Variants in IHO1 observed in about 807,000 individuals in gnomAD.
IHO1 encodes interactor of HORMAD1 protein 1.
A neutral mutation model predicts 31.0 loss-of-function variants in IHO1; 13 were observed. The observed-to-expected ratio is 0.42, with a 90% CI of 0.27 to 0.67. IHO1 has a LOEUF of 0.67. Ranked by LOEUF, IHO1 falls within the 30% of genes least tolerant of loss-of-function variation. IHO1 has a pLI of 0.24. For synonymous variants in IHO1, 221 were observed against 248.4 expected, an observed-to-expected ratio of 0.89 and a Z score of 1.04; for missense variants, 599 against 687.5, an observed-to-expected ratio of 0.87 and a Z score of 1.44.
chr3:49,215,295 AC>A (rs779746192), intron 2 of IHO1, among the ~76,000 whole-genome samples: 10 of 148,790 alleles, frequency 6.7e-5, no homozygotes, highest in Non-Finnish European at 1.3e-4. Context: ...AGGTAATCCA[AC>A]CGCCTCAGCC....
chr3:49,241,697 T>G (rs981825399), intron 4 of IHO1, among the ~76,000 whole-genome samples: 4 of 152,104 alleles, frequency 2.6e-5, no homozygotes, highest in Non-Finnish European at 5.9e-5. Flanking sequence ...CTTGGCTCAC[T>G]GCAACCTCTG....
In IHO1 at chr3:49,201,578, G is replaced by A. The variant is rs545062388; in HGVS notation, c.-16+2005G>A. The stretch of plus-strand genomic sequence containing the variant: ...ATGGAGGTTGCAGTGAGCCAAGATC[G>A]CGCCACTCCACTCCAGGCTGGTCGA... On this transcript the variant is annotated intron_variant, in intron 1 of 7. Transcript: ENST00000452691. Among the ~76,000 whole-genome samples the A allele has an allele frequency of 7.9e-5, 12 of 152,094 alleles. No individual in the cohort carries two copies. In the South Asian group the frequency reaches 1.7e-3, roughly 21 times the overall value.
rs1204944785 is a variant in IHO1, at chr3:49,214,531, G to GT, written c.56+2703dup. On this transcript the variant is annotated intron_variant, in intron 2 of 7. Transcript: ENST00000452691. ...CAATCGATCAGAAACCTAGAGCACT[G>GT]TTTTTTTTAATTTCTCAAAAAAAAA... 2.4e-4 allele frequency among the ~76,000 whole-genome samples: 12 copies of GT among 49,202 alleles called. No individual in the cohort carries two copies. In the Admixed American group the frequency reaches 2.7e-3, roughly 11 times the overall value. 32.3% of individuals were successfully genotyped at this position (49,202 alleles called of 152,430 possible). A position where few individuals can be genotyped will look rare whatever the true frequency, so the allele number is the denominator to read the frequency against.
intron 1 of IHO1, among the ~76,000 whole-genome samples, chr3:49,206,548 C>T (rs1281868734): frequency 1.3e-5 from 2 of 152,164 alleles, no homozygotes; most frequent in Admixed American, 6.6e-5. Context: ...CTTTAATTGC[C>T]ATCTTGGATT....
chr3:49,240,792 G>A (rs1327479845), intron 3 of IHO1, among the ~76,000 whole-genome samples: 1 of 152,152 alleles, frequency 6.6e-6, no homozygotes, highest in Non-Finnish European at 1.5e-5. Flanking sequence ...GCAGAAAGTG[G>A]CTCACCATTT....
rs143599921 is a variant in IHO1, at chr3:49,229,316, A to G, written c.57-7232A>G. Among the ~76,000 whole-genome samples, 898 of 152,316 alleles carry G rather than the reference A, an allele frequency of 5.9e-3. 11 individuals carry two copies. Among genetic ancestry groups the G allele is most frequent in the African/African-American group, 0.021 (853 of 41,562 alleles). On this transcript the variant is annotated intron_variant, in intron 2 of 7. Transcript: ENST00000452691. ...CTGGGGAAACCCCGCAAAAGTTCCAACGGGTCTGTGGACCCTTGCCAGCGG... is the reference window on the plus strand; with the variant it reads ...CTGGGGAAACCCCGCAAAAGTTCCAGCGGGTCTGTGGACCCTTGCCAGCGG...
chr3:49,229,262 A>G (rs892033425), intron 2 of IHO1, among the ~76,000 whole-genome samples: 4 of 152,212 alleles, frequency 2.6e-5, no homozygotes, highest in Admixed American at 6.5e-5. Context: ...TCTCAGTTTT[A>G]TGCTGCACAA....
At chr3:49,234,478 G>A (rs895965654) in intron 2 of IHO1, among the ~76,000 whole-genome samples, 1 of 151,704 alleles carries the variant, frequency 6.6e-6, no homozygotes, top group Non-Finnish European at 1.5e-5. Context: ...CCACGCCCAG[G>A]CTCTGGTGTC....
intron 6 of IHO1, chr3:49,245,150 C>T (rs903443402): frequency 2.7e-6 from 1 of 375,620 alleles, no homozygotes; most frequent in Non-Finnish European, 4.8e-6. Context: ...GCCTTGGTTT[C>T]AGTGAGAGCT....
chr3:49,198,403 C>G (rs2046015819), upstream of IHO1: 1 of 152,454 alleles, frequency 6.6e-6, no homozygotes, highest in South Asian at 2.1e-4. Flanking sequence ...CGTCTCCTGA[C>G]CAGGCTTGCT....
chr3:49,211,189 T>C (rs996026120), intron 1 of IHO1, among the ~76,000 whole-genome samples: 4 of 149,656 alleles, frequency 2.7e-5, no homozygotes, highest in Admixed American at 1.3e-4. Context: ...TTGTATTTTT[T>C]AGTAGAGACG....
intron 6 of IHO1, chr3:49,245,025 G>T (rs2046677195): frequency 3.5e-6 from 2 of 573,154 alleles, no homozygotes; most frequent in Non-Finnish European, 6.2e-6. Flanking sequence ...TCATCTCACT[G>T]CCTGAAGTGA....
At chr3:49,203,724 CA>C (rs1196974211) in intron 1 of IHO1, among the ~76,000 whole-genome samples, 2 of 152,142 alleles carry the variant, frequency 1.3e-5, no homozygotes, top group East Asian at 3.8e-4. Context: ...TTTTATCTGG[CA>C]ACCTCCAGTT....
chr3:49,206,186 G>C (rs1215937839), intron 1 of IHO1, among the ~76,000 whole-genome samples: 2 of 152,036 alleles, frequency 1.3e-5, no homozygotes, highest in Middle Eastern at 3.2e-3. Flanking sequence ...GGATGGTCTC[G>C]ATCTCCTGAC....
Position 49,218,455 on chromosome 3 carries a change from C to G in IHO1, c.56+6619C>G, listed in dbSNP as rs538550833. Among the ~76,000 whole-genome samples, 23 of 144,586 alleles carry G rather than the reference C, an allele frequency of 1.6e-4. No individual in the cohort carries two copies. In the South Asian group the frequency reaches 5.1e-3, roughly 32 times the overall value. 94.9% of individuals were successfully genotyped at this position (144,586 alleles called of 152,430 possible). On this transcript the variant is annotated intron_variant, in intron 2 of 7. Transcript: ENST00000452691. The stretch of plus-strand genomic sequence containing the variant: ...GAGTGCAGTGGATGCAATCTTGGCT[C>G]ACTGCAGCCTCTGCCTTCTGGGTTC...
chr3:49,200,671 A>G lies in IHO1; in HGVS notation c.-16+1098A>G, dbSNP rs1224325765. 6.3e-6 allele frequency: 4 copies of G among 637,392 alleles called. No homozygotes were observed. The African/African-American group carries it at 8.0e-5, about 13-fold the overall frequency. 39.5% of individuals were successfully genotyped at this position (637,392 alleles called of 1,614,324 possible). On this transcript the variant is annotated intron_variant, in intron 1 of 7. Coordinates refer to ENST00000452691, the MANE Select transcript of IHO1 (RefSeq NM_001135197.2). ...GTATATAGTTCCATTCCTTGCATGC[A>G]CTCAACTTTTTCTCCCCTTTTATGC... is the stretch of plus-strand genomic sequence containing the variant.
intron 6 of IHO1, among the ~76,000 whole-genome samples, chr3:49,254,642 A>G (rs1435669960): frequency 6.6e-6 from 1 of 152,214 alleles, no homozygotes; most frequent in Non-Finnish European, 1.5e-5. Context: ...CACAAAGGCC[A>G]GTGGTGAGAG....
the IHO1 span, among the ~76,000 whole-genome samples, chr3:49,192,928 A>G: frequency 6.6e-6 from 1 of 151,970 alleles, no homozygotes; most frequent in East Asian, 1.9e-4. Flanking sequence ...ATGAATGAAT[A>G]TTCACTGTAG....
At chr3:49,210,695 G>C (rs1399125617) in intron 1 of IHO1, among the ~76,000 whole-genome samples, 1 of 144,702 alleles carries the variant, frequency 6.9e-6, no homozygotes, top group Non-Finnish European at 1.5e-5. Flanking sequence ...CACTGCGCCC[G>C]GCTTTTTTTT....
Sources: allele counts gnomAD v4.1 joint callset (sites outside exome capture counted in the v4.1 genomes callset), GRCh38; gene constraint gnomAD v4.1.1; transcripts MANE v1.5; gene names NCBI Gene and HGNC (gene_info 2026-07-23, HGNC 2026-07-21).